Variants in NTM observed in about 807,000 individuals in gnomAD.
NTM encodes the protein IgLON family member 2.
In NTM, 13 loss-of-function variants were observed where a neutral mutation model predicts 42.1. The observed-to-expected ratio is 0.31, with a 90% confidence interval of 0.20 to 0.49. The LOEUF (loss-of-function observed/expected upper bound fraction) is 0.49. Among genes scored for constraint, NTM ranks in the 20% least tolerant of loss-of-function variants. NTM has a pLI of 0.99. For synonymous variants in NTM, 187 were observed against 179.2 expected, an observed-to-expected ratio of 1.04 and a Z score of -0.35; for missense variants, 373 against 452.8, an observed-to-expected ratio of 0.82 and a Z score of 1.60.
chr11:132,277,174 A>G (rs2093760240), intron 4 of NTM, among the ~76,000 whole-genome samples: 1 of 152,080 alleles, frequency 6.6e-6, no homozygotes, highest in African/African-American at 2.4e-5. Flanking sequence ...CCCTAGTAAG[A>G]CTTCTGTTGG....
intron 1 of NTM, chr11:131,897,057 C>T (rs1422419647): frequency 3.3e-5 from 5 of 152,220 alleles, no homozygotes; most frequent in Non-Finnish European, 7.3e-5. Context: ...ACGTCCGTGG[C>T]TGAATAGCCA....
chr11:131,812,264 AT>A (rs2092768272), intron 1 of NTM, among the ~76,000 whole-genome samples: 1 of 146,646 alleles, frequency 6.8e-6, no homozygotes, highest in African/African-American at 2.6e-5. Flanking sequence ...TTCTCCTCTA[AT>A]GAGGCTGCCA....
intron 1 of NTM, among the ~76,000 whole-genome samples, chr11:131,794,022 G>A (rs1352496564): frequency 6.6e-6 from 1 of 152,206 alleles, no homozygotes; most frequent in Non-Finnish European, 1.5e-5. Flanking sequence ...TGGGACAGAT[G>A]GGATAACCAT....
At chr11:131,797,368 G>A (rs765238479) in intron 1 of NTM, among the ~76,000 whole-genome samples, 8 of 152,184 alleles carry the variant, frequency 5.3e-5, no homozygotes, top group Non-Finnish European at 1.2e-4. Context: ...CGTAAAAAGT[G>A]ACCTGGCTCC....
chr11:132,129,691 C>T (rs759549151), intron 2 of NTM, among the ~76,000 whole-genome samples: 2 of 152,182 alleles, frequency 1.3e-5, no homozygotes, highest in Non-Finnish European at 2.9e-5. Flanking sequence ...TATTTTTCTT[C>T]AGTGCACACA....
intron 2 of NTM, among the ~76,000 whole-genome samples, chr11:132,095,058 A>AG (rs1194867341): frequency 6.6e-6 from 1 of 152,216 alleles, no homozygotes; most frequent in African/African-American, 2.4e-5. Flanking sequence ...GGAGTGTCAA[A>AG]GAAGAAGACA....
chr11:131,763,709 CTTTTTTTTT>C (rs557522093), intron 1 of NTM, among the ~76,000 whole-genome samples: 26 of 71,380 alleles, frequency 3.6e-4, no homozygotes, highest in African/African-American at 9.0e-4. Context: ...ATCTCTCTCT[CTTTTTTTTT>C]TTTTTTTTTT....
chr11:131,795,876 C>G (rs372071969), intron 1 of NTM: 1 of 982,710 alleles, frequency 1.0e-6, no homozygotes, highest in Non-Finnish European at 1.2e-6. Context: ...CCATAGAGAC[C>G]GCCTGCCTTG....
In NTM at chr11:132,106,276, G is replaced by A. The variant is rs190581875; in HGVS notation, c.168-40006G>A. Among the ~76,000 whole-genome samples the A allele has an allele frequency of 1.2e-4, 18 of 152,220 alleles. No homozygotes were observed. The East Asian group carries it at 2.7e-3, about 23-fold the overall frequency. On this transcript the variant is annotated intron_variant, in intron 2 of 8. Coordinates refer to ENST00000683400, the MANE Select transcript of NTM (RefSeq NM_001352005.2). Reference sequence around the variant, plus strand: ...TACCAACACGGCTCCCTCTCTTCCCGCCCTCTCTTTCCTTTGCCTTTTGTA... The same window carrying A: ...TACCAACACGGCTCCCTCTCTTCCCACCCTCTCTTTCCTTTGCCTTTTGTA...
At chr11:131,612,428 C>T (rs1249263014) in intron 1 of NTM, among the ~76,000 whole-genome samples, 1 of 152,186 alleles carries the variant, frequency 6.6e-6, no homozygotes, top group South Asian at 2.1e-4. Flanking sequence ...GAGTGCTCCT[C>T]GCAATTTTTA....
At chr11:132,130,819 C>T (rs1305550399) in intron 2 of NTM, among the ~76,000 whole-genome samples, 1 of 152,186 alleles carries the variant, frequency 6.6e-6, no homozygotes, top group East Asian at 1.9e-4. Flanking sequence ...GGAGATTTCT[C>T]ACGGTGAGAA....
chr11:131,508,270 A>T (rs1018460276), intron 1 of NTM, among the ~76,000 whole-genome samples: 2 of 145,168 alleles, frequency 1.4e-5, no homozygotes, highest in Admixed American at 6.8e-5. Flanking sequence ...TGCAGCCAAA[A>T]AACACATGAA....
At chr11:132,070,926 G>A (rs1393533554) in intron 2 of NTM, among the ~76,000 whole-genome samples, 7 of 140,518 alleles carry the variant, frequency 5.0e-5, no homozygotes, top group Non-Finnish European at 7.8e-5. Flanking sequence ...TAGTTAACAC[G>A]TCACACAGCC....
chr11:131,452,774 A>G (rs1044492389), intron 1 of NTM, among the ~76,000 whole-genome samples: 18 of 152,212 alleles, frequency 1.2e-4, no homozygotes, highest in African/African-American at 2.4e-5. Context: ...TGCAGTGCAG[A>G]CAATACTTAG....
chr11:131,609,644 T>A (rs1035595968), intron 1 of NTM, among the ~76,000 whole-genome samples: 2 of 152,230 alleles, frequency 1.3e-5, no homozygotes, highest in Non-Finnish European at 2.9e-5. Flanking sequence ...TCTCTGGTGC[T>A]TTTTGTATGA....
rs145464381 is a variant in NTM, at chr11:132,116,744, G to A, written c.168-29538G>A. 1.6e-3 allele frequency among the ~76,000 whole-genome samples: 243 copies of A among 152,328 alleles called. 2 individuals are homozygous for A. The highest frequency in any genetic ancestry group is 2.5e-3 in the Admixed American group (39 of 15,306). On this transcript the variant is annotated intron_variant, in intron 2 of 8. Transcript: ENST00000683400. Reference sequence around the variant, plus strand: ...TGATTATTAAGATCCAGCCAAAAGCGTGAGCTCTGCTGAGGATGACAGTTA... The same window carrying A: ...TGATTATTAAGATCCAGCCAAAAGCATGAGCTCTGCTGAGGATGACAGTTA...
At chr11:131,662,298 C>CT (rs1257030860) in intron 1 of NTM, 1 of 152,180 alleles carries the variant, frequency 6.6e-6, no homozygotes, top group Non-Finnish European at 1.5e-5. Flanking sequence ...CACAAAGCAT[C>CT]TTTTTTCATG....
chr11:131,812,268 G>A (rs1374391352), intron 1 of NTM, among the ~76,000 whole-genome samples: 1 of 150,678 alleles, frequency 6.6e-6, no homozygotes, highest in Non-Finnish European at 1.5e-5. Context: ...CCTCTAATGA[G>A]GCTGCCATTA....
intron 1 of NTM, among the ~76,000 whole-genome samples, chr11:131,447,933 T>A (rs1950186622): frequency 6.6e-6 from 1 of 152,216 alleles, no homozygotes. Context: ...GCCTTGTACT[T>A]CTGCGTCTTG....
Sources: gnomAD v4.1 joint callset for allele counts (sites outside exome capture counted in the v4.1 genomes callset) on GRCh38, gnomAD v4.1.1 for gene constraint, MANE v1.5 for transcripts, NCBI Gene and HGNC (gene_info 2026-07-23, HGNC 2026-07-21) for gene names.